Variants in DGKG observed in about 807,000 individuals in gnomAD.
DGKG encodes diacylglycerol kinase gamma.
In DGKG, 78 loss-of-function variants were observed where a neutral mutation model predicts 105.3. The ratio of observed to expected loss-of-function variants is 0.74; its 90% CI spans 0.62 to 0.89. DGKG has a LOEUF of 0.89. DGKG is among the 40% of genes least tolerant of loss of function. The probability of loss-of-function intolerance (pLI) is 0.00; values close to 1 mark genes in which losing one functional copy is unlikely to be tolerated. For missense variants in DGKG, 958 were observed against 1,020.1 expected (o/e 0.94, Z 0.83); for synonymous variants, 346 against 367.1 (o/e 0.94, Z 0.66).
chr3:186,306,844 A>G (rs953772895), intron 3 of DGKG, 57 bp downstream of exon 3: 10 of 1,237,312 alleles, frequency 8.1e-6, no homozygotes, highest in African/African-American at 3.0e-5. Context: ...GAAACAAATT[A>G]TGGAAAGGCT....
intron 20 of DGKG, among the ~76,000 whole-genome samples, chr3:186,220,619 G>A (rs1317842713): frequency 4.6e-5 from 7 of 152,148 alleles, no homozygotes; most frequent in East Asian, 3.9e-4. Flanking sequence ...TACCACATGC[G>A]CCACCGGTAT....
Position 186,188,190 on chromosome 3 carries a change from T to C in DGKG, c.2095+12A>G, listed in dbSNP as rs1205254319. 6.2e-7 allele frequency: 1 copy of C among 1,614,000 alleles called. No homozygotes were observed. Among genetic ancestry groups the C allele is most frequent in the African/African-American group, 1.3e-5 (1 of 74,940 alleles). On this transcript the variant is annotated intron_variant, in intron 22 of 24. Transcript: ENST00000265022. ...CATTGACCTAAAACAATTATCCTCATTCCTGGCTTACCTTGAACGCAGAAT... is the reference window on the plus strand; with the variant it reads ...CATTGACCTAAAACAATTATCCTCACTCCTGGCTTACCTTGAACGCAGAAT...
At chr3:186,205,257 CAAAAAA>C (rs71164580) in intron 21 of DGKG, among the ~76,000 whole-genome samples, 1 of 72,994 alleles carries the variant, frequency 1.4e-5, no homozygotes, top group Non-Finnish European at 2.5e-5. Context: ...AACTCCTTCT[CAAAAAA>C]AAAAAAAAAA....
intron 1 of DGKG, among the ~76,000 whole-genome samples, chr3:186,326,447 ATCTCTC>A (rs60832383): frequency 1.7e-4 from 24 of 139,058 alleles, no homozygotes; most frequent in South Asian, 7.1e-4. Context: ...CACACCCCTC[ATCTCTC>A]TCTCTCTCTC....
At chr3:186,191,244 C>T (rs1217355639) in intron 21 of DGKG, among the ~76,000 whole-genome samples, 1 of 152,190 alleles carries the variant, frequency 6.6e-6, no homozygotes, top group East Asian at 1.9e-4. Context: ...AATAAGATAA[C>T]TCAACTAAGT....
At chr3:186,359,432 A>T (rs554640550) in intron 1 of DGKG, among the ~76,000 whole-genome samples, 1 of 152,322 alleles carries the variant, frequency 6.6e-6, no homozygotes, top group South Asian at 2.1e-4. Context: ...CTTTTGCTAC[A>T]ACACTAATTC....
At chr3:186,274,502 A>AG in intron 10 of DGKG, among the ~76,000 whole-genome samples, 1 of 150,900 alleles carries the variant, frequency 6.6e-6, no homozygotes, top group African/African-American at 2.4e-5. Context: ...CTCATCATTT[A>AG]CATTAGGTAT....
At chr3:186,246,261 C>T (rs1359610460) in intron 19 of DGKG, among the ~76,000 whole-genome samples, 1 of 152,228 alleles carries the variant, frequency 6.6e-6, no homozygotes, top group Non-Finnish European at 1.5e-5. Flanking sequence ...TGTGAGCCCC[C>T]ACGCCTGGCC....
At chr3:186,158,425 T>C (rs1303169061) in intron 24 of DGKG, 1 of 981,048 alleles carries the variant, frequency 1.0e-6, no homozygotes, top group East Asian at 1.1e-4. Context: ...TCTCTTGTTG[T>C]TTAGGAGAAT....
chr3:186,264,793 C>T (rs1721964741), intron 14 of DGKG, among the ~76,000 whole-genome samples: 1 of 152,166 alleles, frequency 6.6e-6, no homozygotes, highest in Non-Finnish European at 1.5e-5. Flanking sequence ...AAAAAATGTT[C>T]ATTGCTGAAC....
At chr3:186,334,870 T>A (rs993033337) in intron 1 of DGKG, among the ~76,000 whole-genome samples, 1 of 152,138 alleles carries the variant, frequency 6.6e-6, no homozygotes, top group African/African-American at 2.4e-5. Context: ...GTACTTGGCA[T>A]AAGAAAGTCA....
At chr3:186,308,502 A>G (rs1425977281) in intron 2 of DGKG, among the ~76,000 whole-genome samples, 1 of 152,102 alleles carries the variant, frequency 6.6e-6, no homozygotes, top group Non-Finnish European at 1.5e-5. Flanking sequence ...CTTTGTACAG[A>G]GGGTTAATGT....
At chr3:186,209,796 A>G (rs1392356387) in intron 21 of DGKG, among the ~76,000 whole-genome samples, 1 of 152,132 alleles carries the variant, frequency 6.6e-6, no homozygotes, top group Admixed American at 6.5e-5. Flanking sequence ...CACAAGGCAC[A>G]GGACCATTCA....
At chr3:186,178,899 C>T (rs1026285519) in intron 22 of DGKG, among the ~76,000 whole-genome samples, 1 of 152,192 alleles carries the variant, frequency 6.6e-6, no homozygotes, top group East Asian at 1.9e-4. Context: ...TTAGTGTGAC[C>T]TTTGATAGGT....
chr3:186,329,272 C>G (rs2108649308), intron 1 of DGKG, among the ~76,000 whole-genome samples: 1 of 152,248 alleles, frequency 6.6e-6, no homozygotes, highest in East Asian at 1.9e-4. Context: ...GTTTCCTTGT[C>G]TATGAAATGA....
Position 186,249,455 on chromosome 3 carries a change from T to C in DGKG, c.1761+2304A>G, listed in dbSNP as rs73885812. 3.7e-3 allele frequency among the ~76,000 whole-genome samples: 561 copies of C among 152,316 alleles called. 4 individuals are homozygous for C. The highest frequency in any genetic ancestry group is 0.013 in the African/African-American group (528 of 41,560). On this transcript the variant is annotated intron_variant, in intron 19 of 24. Coordinates refer to ENST00000265022, the MANE Select transcript of DGKG (RefSeq NM_001346.3). Reference sequence around the variant, plus strand: ...TGCCCTTCAGAATATATCTGTGAATTTGGTAAATTTTAAATCCTTCTGTAA... The same window carrying C: ...TGCCCTTCAGAATATATCTGTGAATCTGGTAAATTTTAAATCCTTCTGTAA...
intron 16 of DGKG, 96 bp from the exon 17 acceptor site, chr3:186,258,035 A>G: frequency 1.1e-6 from 1 of 893,490 alleles, no homozygotes; most frequent in Admixed American, 1.9e-5. Context: ...CCCCAGGAGT[A>G]TGTTAAGACC....
chr3:186,233,587 C>A (rs1381280683), intron 20 of DGKG, among the ~76,000 whole-genome samples: 1 of 152,228 alleles, frequency 6.6e-6, no homozygotes, highest in Non-Finnish European at 1.5e-5. Flanking sequence ...TCACGCCATT[C>A]TCCTGCCTCA....
At chr3:186,167,889 T>C (rs1004091517) in intron 22 of DGKG, among the ~76,000 whole-genome samples, 1 of 152,232 alleles carries the variant, frequency 6.6e-6, no homozygotes, top group African/African-American at 2.4e-5. Flanking sequence ...GAAGGGCTCT[T>C]AGCCAAGAGG....
Sources: gnomAD v4.1 joint callset for allele counts (sites outside exome capture counted in the v4.1 genomes callset) on GRCh38, gnomAD v4.1.1 for gene constraint, MANE v1.5 for transcripts, NCBI Gene and HGNC (gene_info 2026-07-23, HGNC 2026-07-21) for gene names.